Variants in RAI2 observed in about 807,000 individuals in gnomAD.
RAI2 encodes retinoic acid-induced protein 2.
RAI2 carries 5 observed loss-of-function variants against 15.3 expected under a neutral mutation model. That is an observed-to-expected ratio of 0.33 (90% confidence interval 0.17 to 0.69). The LOEUF (loss-of-function observed/expected upper bound fraction) is 0.69. RAI2 is among the 30% of genes least tolerant of loss of function. The probability of loss-of-function intolerance (pLI) is 0.69; values close to 1 mark genes in which losing one functional copy is unlikely to be tolerated. For synonymous variants in RAI2, 191 were observed against 184.0 expected (o/e 1.04, Z -0.31); for missense variants, 424 against 424.7 (o/e 1.00, Z 0.01).
At chrX:17,820,987 A>G (rs1389821545) in intron 1 of RAI2, among the ~76,000 whole-genome samples, 1 of 111,145 alleles carries the variant, frequency 9.0e-6, no homozygotes, top group Non-Finnish European at 1.9e-5. Flanking sequence ...GTAGCCTCCA[A>G]CTCCTAGGCT....
At chrX:17,827,856 G>C (rs1419209395) in intron 1 of RAI2, among the ~76,000 whole-genome samples, 2 of 111,780 alleles carry the variant, frequency 1.8e-5, no homozygotes, top group East Asian at 5.6e-4. Flanking sequence ...AAGGTGGGGA[G>C]GTTGAAGCTT....
chrX:17,811,724 A>G (rs974895911), intron 1 of RAI2, among the ~76,000 whole-genome samples: 4 of 111,672 alleles, frequency 3.6e-5, no homozygotes, highest in African/African-American at 1.3e-4. Flanking sequence ...CTTCTAATGC[A>G]TGTGAATCCC....
At chrX:17,822,615 G>T (rs2067179949) in intron 1 of RAI2, among the ~76,000 whole-genome samples, 2 of 112,136 alleles carry the variant, frequency 1.8e-5, no homozygotes, top group African/African-American at 6.5e-5. Flanking sequence ...ATTTCTCCCA[G>T]AAGAATGAGC....
chrX:17,851,090 C>T (rs2067527544), intron 1 of RAI2, among the ~76,000 whole-genome samples: 1 of 112,120 alleles, frequency 8.9e-6, no homozygotes, highest in Non-Finnish European at 1.9e-5. Flanking sequence ...CCCTGATGAC[C>T]TCAAATCCAG....
At position 17,801,068 on chromosome X, in the gene RAI2, C is replaced by T. The variant is rs763516658; in HGVS notation, c.943G>A (p.Glu315Lys). 32 of 1,209,692 alleles carry T rather than the reference C, an allele frequency of 2.6e-5. No individual in the cohort carries two copies. Among genetic ancestry groups the T allele is most frequent in the South Asian group, 8.8e-5 (5 of 56,723 alleles). ...HTVIKMGSEN[E>K]ALDLSMKSVP... ...GACTTCATGGAGAGATCCAGGGCCT[C>T]GTTCTCACTTCCCATCTTAATGACC... The change falls in exon 2 of 2, where the codon GAG (glutamate) becomes AAG (lysine). Residue 315 changes from glutamate to lysine, a missense_variant. Glu to Lys is a moderately conservative substitution (Grantham distance 56, BLOSUM62 1). Transcript: ENST00000451717.
At chrX:17,820,297 T>C (rs2067150490) in intron 1 of RAI2, among the ~76,000 whole-genome samples, 1 of 112,299 alleles carries the variant, frequency 8.9e-6, no homozygotes, top group Admixed American at 9.4e-5. Context: ...AATGTTTTTG[T>C]ATTTGGGAAC....
chrX:17,851,604 T>C (rs1380906162), intron 1 of RAI2, among the ~76,000 whole-genome samples: 3 of 111,705 alleles, frequency 2.7e-5, no homozygotes, highest in Non-Finnish European at 5.6e-5. Context: ...CATCCATTGA[T>C]TGCTAGCCAA....
intron 1 of RAI2, among the ~76,000 whole-genome samples, chrX:17,814,003 G>C (rs190627962): frequency 2.1e-4 from 23 of 111,958 alleles, no homozygotes; most frequent in African/African-American, 6.5e-4. Flanking sequence ...AACTCAACTA[G>C]CTAGTTGTCT....
chrX:17,811,209 A>G (rs754982522), intron 1 of RAI2, among the ~76,000 whole-genome samples: 2 of 112,568 alleles, frequency 1.8e-5, no homozygotes, highest in African/African-American at 3.2e-5. Flanking sequence ...CCTCAGCATC[A>G]CAGAAGAAAA....
intron 1 of RAI2, among the ~76,000 whole-genome samples, chrX:17,819,982 TA>T (rs1377490173): frequency 2.7e-5 from 3 of 112,299 alleles, no homozygotes; most frequent in Non-Finnish European, 5.6e-5. Context: ...AAAGAGATAT[TA>T]AAAATACTAT....
intron 1 of RAI2, chrX:17,837,677 G>A (rs1228012402): frequency 8.9e-6 from 1 of 112,533 alleles, no homozygotes; most frequent in Non-Finnish European, 1.9e-5. Flanking sequence ...CCCCAAAGGA[G>A]AGAAGTCAAG....
intron 1 of RAI2, among the ~76,000 whole-genome samples, chrX:17,843,880 T>C (rs2067427974): frequency 1.8e-5 from 2 of 112,754 alleles, no homozygotes; most frequent in Admixed American, 1.9e-4. Flanking sequence ...CTTCAATATT[T>C]CATTTTATTC....
At chrX:17,811,608 A>AT (rs1309375420) in intron 1 of RAI2, among the ~76,000 whole-genome samples, 3 of 112,263 alleles carry the variant, frequency 2.7e-5, no homozygotes, top group Non-Finnish European at 5.6e-5. Flanking sequence ...TTAGCAGGAC[A>AT]TTTTCCAGAG....
chrX:17,810,142 C>A (rs1486591659), intron 1 of RAI2, among the ~76,000 whole-genome samples: 1 of 111,121 alleles, frequency 9.0e-6, no homozygotes, highest in Non-Finnish European at 1.9e-5. Flanking sequence ...GTTCACACAG[C>A]ATAGAGTACA....
At chrX:17,842,433 G>A (rs1313223151) in intron 1 of RAI2, among the ~76,000 whole-genome samples, 2 of 111,426 alleles carry the variant, frequency 1.8e-5, no homozygotes, top group Non-Finnish European at 3.8e-5. Flanking sequence ...GGTTCCACAT[G>A]CTTGGGGGAT....
At chrX:17,841,477 T>C (rs866973447) in intron 1 of RAI2, among the ~76,000 whole-genome samples, 2 of 112,629 alleles carry the variant, frequency 1.8e-5, no homozygotes, top group South Asian at 3.7e-4. Context: ...AGTACTTATA[T>C]GTCTGTCTGT....
At chrX:17,823,063 C>T (rs1480860858) in intron 1 of RAI2, among the ~76,000 whole-genome samples, 2 of 112,521 alleles carry the variant, frequency 1.8e-5, no homozygotes, top group Non-Finnish European at 3.7e-5. Context: ...AGAGGCCTCA[C>T]TTAAATGAAA....
chrX:17,811,472 C>A (rs1306924570), intron 1 of RAI2, among the ~76,000 whole-genome samples: 1 of 112,475 alleles, frequency 8.9e-6, no homozygotes, highest in African/African-American at 3.2e-5. Flanking sequence ...AACAAAGAAA[C>A]CTCTTAAATT....
chrX:17,800,808 G>T lies in RAI2; in HGVS notation c.1203C>A (p.His401Gln). 2.5e-6 allele frequency: 3 copies of T among 1,211,992 alleles called. No homozygotes were observed. Among genetic ancestry groups the T allele is most frequent in the East Asian group, 3.0e-5 (1 of 33,850 alleles). The change falls in exon 2 of 2, where the codon CAC becomes CAA. Residue 401 changes from histidine to glutamine, a missense_variant. Transcript: ENST00000451717. ...CGGTAGCAGCATCACTGCTGCTGAT[G>T]TGACTATCCATCATGGCTGGGGCCT... ...SHEAPAMMDS[H>Q]ISSSDAATEM... is the part of the protein sequence containing the mutation.
Sources: allele counts gnomAD v4.1 joint callset (sites outside exome capture counted in the v4.1 genomes callset), GRCh38; gene constraint gnomAD v4.1.1; transcripts MANE v1.5; gene names NCBI Gene and HGNC (gene_info 2026-07-23, HGNC 2026-07-21).